EPHA6: variants seen among roughly 807,000 people sequenced by gnomAD.
The protein encoded by EPHA6 is EPH receptor A6, also known as ephrin type-A receptor 6.
Under a neutral mutation model 112.0 loss-of-function variants are expected in EPHA6, and 50 were observed. That is an observed-to-expected ratio of 0.45 (90% confidence interval 0.36 to 0.56). EPHA6 has a LOEUF of 0.56. Ranked by LOEUF, EPHA6 falls within the 20% of genes least tolerant of loss-of-function variation. The pLI, the probability that EPHA6 is intolerant of heterozygous loss-of-function variation, is 0.00. For synonymous variants in EPHA6, 529 were observed against 490.7 expected (o/e 1.08, Z -1.03); for missense variants, 1,280 against 1,417.4 (o/e 0.90, Z 1.56).
At chr3:97,567,188 G>C (rs544287130) in intron 11 of EPHA6, among the ~76,000 whole-genome samples, 1 of 152,304 alleles carries the variant, frequency 6.6e-6, no homozygotes, top group East Asian at 1.9e-4. Flanking sequence ...GTATGGCCTT[G>C]AGTAAGTTGC....
At chr3:97,427,083 C>T (rs1271556389) in intron 6 of EPHA6, among the ~76,000 whole-genome samples, 1 of 152,130 alleles carries the variant, frequency 6.6e-6, no homozygotes, top group African/African-American at 2.4e-5. Flanking sequence ...CACTTATGCA[C>T]TGTTGGTGGG....
intron 6 of EPHA6, among the ~76,000 whole-genome samples, chr3:97,439,980 CAATT>C (rs1447689336): frequency 3.9e-5 from 6 of 152,084 alleles, no homozygotes; most frequent in Non-Finnish European, 5.9e-5. Context: ...GGATATCAAT[CAATT>C]GACATTACTA....
At chr3:97,226,026 T>C (rs1365118098) in intron 3 of EPHA6, among the ~76,000 whole-genome samples, 1 of 152,134 alleles carries the variant, frequency 6.6e-6, no homozygotes, top group African/African-American at 2.4e-5. Context: ...TATGTGTGTA[T>C]GCTTGAGGTA....
intron 3 of EPHA6, among the ~76,000 whole-genome samples, chr3:97,197,031 A>G (rs1318470332): frequency 6.6e-6 from 1 of 151,902 alleles, no homozygotes; most frequent in Non-Finnish European, 1.5e-5. Context: ...TTAGCAGGTG[A>G]CAAATCCAGC....
At chr3:97,275,227 T>C (rs1244676321) in intron 5 of EPHA6, among the ~76,000 whole-genome samples, 1 of 152,072 alleles carries the variant, frequency 6.6e-6, no homozygotes, top group African/African-American at 2.4e-5. Context: ...TTTGGGAGAT[T>C]AGTCAGACAC....
At chr3:97,708,946 C>T (rs2171230) in intron 14 of EPHA6, among the ~76,000 whole-genome samples, 92,311 of 151,918 alleles carry the variant, frequency 0.61, 29,232 homozygotes, top group Middle Eastern at 0.75. Flanking sequence ...TTTCAGAGGA[C>T]GTATGGAAAT....
intron 4 of EPHA6, among the ~76,000 whole-genome samples, chr3:97,241,211 T>C (rs1412235090): frequency 2.0e-5 from 3 of 151,788 alleles, no homozygotes; most frequent in Non-Finnish European, 2.9e-5. Flanking sequence ...AATAAAATTG[T>C]AGCATAACTA....
Position 96,931,389 on chromosome 3 carries a change from A to G in EPHA6, c.451-55941A>G, listed in dbSNP as rs116131103. ...AAAAGCCAGCAGGCTGAGATGGCTG[A>G]GTCCACCTAACCACAGAGATGGTGG... is the stretch of plus-strand genomic sequence containing the variant. On this transcript the variant is annotated intron_variant, in intron 2 of 17. Coordinates refer to ENST00000389672, the MANE Select transcript of EPHA6 (RefSeq NM_001080448.3). Among the ~76,000 whole-genome samples the G allele has an allele frequency of 3.3e-3, 509 of 152,282 alleles. 4 individuals carry two copies. Among genetic ancestry groups the G allele is most frequent in the African/African-American group, 0.012 (483 of 41,566 alleles).
intron 3 of EPHA6, among the ~76,000 whole-genome samples, chr3:97,206,818 CAA>C (rs745475161): frequency 2.6e-5 from 4 of 152,054 alleles, no homozygotes; most frequent in Non-Finnish European, 5.9e-5. Context: ...ATACATTTAT[CAA>C]AGTTATTCCA....
chr3:97,187,588 A>G (rs941194150), intron 3 of EPHA6, among the ~76,000 whole-genome samples: 15 of 151,296 alleles, frequency 9.9e-5, no homozygotes, highest in African/African-American at 1.9e-4. Flanking sequence ...ACGTCAAAAA[A>G]AAAAAAAAAG....
chr3:97,208,402 A>C (rs1452225083), intron 3 of EPHA6, among the ~76,000 whole-genome samples: 2 of 152,158 alleles, frequency 1.3e-5, no homozygotes, highest in African/African-American at 4.8e-5. Flanking sequence ...TACAAAATAA[A>C]ACTCAAAATA....
At chr3:97,079,207 G>A (rs2046636844) in intron 3 of EPHA6, among the ~76,000 whole-genome samples, 1 of 152,060 alleles carries the variant, frequency 6.6e-6, no homozygotes, top group Admixed American at 6.6e-5. Flanking sequence ...CAACCTAAAT[G>A]CCCATCAATG....
At chr3:97,184,404 T>C (rs2077066974) in intron 3 of EPHA6, among the ~76,000 whole-genome samples, 2 of 152,244 alleles carry the variant, frequency 1.3e-5, no homozygotes, top group South Asian at 4.1e-4. Context: ...ATCACAAGCA[T>C]TCTTATACAC....
chr3:96,950,459 G>C (rs2041477812), intron 2 of EPHA6, among the ~76,000 whole-genome samples: 1 of 152,060 alleles, frequency 6.6e-6, no homozygotes, highest in Non-Finnish European at 1.5e-5. Context: ...TCTCTCATGA[G>C]GTTGCAGCTT....
intron 10 of EPHA6, among the ~76,000 whole-genome samples, chr3:97,523,111 A>G (rs1282021687): frequency 6.6e-6 from 1 of 151,932 alleles, no homozygotes; most frequent in Non-Finnish European, 1.5e-5. Flanking sequence ...GTTTCTTGAG[A>G]TAACATTAAG....
chr3:97,431,880 A>G (rs1156806182), intron 6 of EPHA6, among the ~76,000 whole-genome samples: 1 of 152,120 alleles, frequency 6.6e-6, no homozygotes, highest in East Asian at 1.9e-4. Context: ...GGTACCTGCC[A>G]GATGTATAGT....
chr3:97,571,411 T>C (rs1365827320), intron 11 of EPHA6, among the ~76,000 whole-genome samples: 2 of 152,194 alleles, frequency 1.3e-5, no homozygotes, highest in East Asian at 3.9e-4. Flanking sequence ...ACCCTTTCAT[T>C]TGAAGCAATT....
At chr3:97,612,617 T>C (rs1273356622) in intron 13 of EPHA6, 2 of 207,968 alleles carry the variant, frequency 9.6e-6, no homozygotes, top group Non-Finnish European at 2.0e-5. Context: ...AGAAGTAGTG[T>C]ATTTTATGCT....
At chr3:97,636,801 T>C (rs2093949128) in intron 13 of EPHA6, among the ~76,000 whole-genome samples, 1 of 152,134 alleles carries the variant, frequency 6.6e-6, no homozygotes, top group African/African-American at 2.4e-5. Context: ...GCTTCTAATG[T>C]ATAACATAAA....
Sources: allele counts gnomAD v4.1 joint callset (sites outside exome capture counted in the v4.1 genomes callset), GRCh38; gene constraint gnomAD v4.1.1; transcripts MANE v1.5; gene names NCBI Gene and HGNC (gene_info 2026-07-23, HGNC 2026-07-21).